Variants in TENT2 observed in about 807,000 individuals in gnomAD.
The protein encoded by TENT2 is poly(A) RNA polymerase GLD2.
In TENT2, 44 loss-of-function variants were observed where a neutral mutation model predicts 72.2. That is an observed-to-expected ratio of 0.61 (90% CI 0.48 to 0.78). TENT2 has a LOEUF of 0.78. Among genes scored for constraint, TENT2 ranks in the 30% least tolerant of loss-of-function variants. TENT2 has a pLI of 0.00. For synonymous variants in TENT2, 212 were observed against 192.5 expected (o/e 1.10, Z -0.84); for missense variants, 541 against 569.6 (o/e 0.95, Z 0.51).
chr5:79,679,789 T>C (rs1210481775), intron 13 of TENT2, 119 bp downstream of exon 13: 3 of 537,844 alleles, frequency 5.6e-6, no homozygotes, highest in Admixed American at 4.3e-5. Context: ...GTAAGTCTTT[T>C]AGTTTAAAAT....
intron 13 of TENT2, among the ~76,000 whole-genome samples, chr5:79,681,240 ACCTCTACCTC>A (rs1821603629): frequency 7.4e-6 from 1 of 135,894 alleles, no homozygotes; most frequent in African/African-American, 2.8e-5. Context: ...GCTCACTGCA[ACCTCTACCTC>A]CCAGGTTCAA....
intron 4 of TENT2, among the ~76,000 whole-genome samples, chr5:79,639,927 G>T (rs1419661753): frequency 6.6e-6 from 1 of 152,110 alleles, no homozygotes; most frequent in African/African-American, 2.4e-5. Flanking sequence ...GCAAGAGTTG[G>T]GCTGGAGGGA....
chr5:79,685,199 T>A lies in TENT2; in HGVS notation c.1381T>A (p.Ser461Thr). 6.2e-7 allele frequency: 1 copy of A among 1,604,130 alleles called. No homozygotes were observed. The highest frequency in any genetic ancestry group is 1.7e-5 in the Admixed American group (1 of 57,968). ...FDMIKDQFLK[S>T]WHRLKNKRDL... is the part of the protein sequence containing the mutation. ...AGAATGATTTTTCTTTCTCTCCCAGTCATGGCACAGATTGAAAAACAAGAG... is the reference window on the plus strand; with the variant it reads ...AGAATGATTTTTCTTTCTCTCCCAGACATGGCACAGATTGAAAAACAAGAG... Residue 461 changes from serine to threonine, a missense_variant and splice_region_variant, in exon 15 of 15, where the codon TCA (serine) becomes ACA (threonine). Transcript: ENST00000453514.
At chr5:79,648,097 C>G (rs941446180) in intron 8 of TENT2, among the ~76,000 whole-genome samples, 9 of 152,074 alleles carry the variant, frequency 5.9e-5, no homozygotes, top group Non-Finnish European at 2.9e-5. Flanking sequence ...GGATAACTTG[C>G]TCAGAAATGT....
chr5:79,647,219 G>A (rs1468070257), intron 8 of TENT2, among the ~76,000 whole-genome samples: 6 of 152,212 alleles, frequency 3.9e-5, no homozygotes, highest in African/African-American at 1.4e-4. Flanking sequence ...TTGAACATTT[G>A]GTGTGTTTCT....
chr5:79,634,875 G>T (rs1778843074), intron 4 of TENT2, among the ~76,000 whole-genome samples: 1 of 151,236 alleles, frequency 6.6e-6, no homozygotes, highest in Non-Finnish European at 1.5e-5. Context: ...TTGAGATGGG[G>T]TCTTACTAAG....
intron 7 of TENT2, among the ~76,000 whole-genome samples, chr5:79,643,507 A>G (rs1190928130): frequency 6.6e-6 from 1 of 152,220 alleles, no homozygotes; most frequent in Non-Finnish European, 1.5e-5. Context: ...TTTTATAGAA[A>G]GTTGAAGTTA....
chr5:79,641,338 G>C (rs1422037), intron 6 of TENT2, 142 bp downstream of exon 6: 10 of 602,838 alleles, frequency 1.7e-5, no homozygotes, highest in Admixed American at 3.1e-5. Context: ...AGGAAACCTA[G>C]GTAATTTTTT....
At chr5:79,640,565 A>C (rs1047467782) in intron 4 of TENT2, among the ~76,000 whole-genome samples, 2 of 152,208 alleles carry the variant, frequency 1.3e-5, no homozygotes, top group Non-Finnish European at 2.9e-5. Flanking sequence ...TAAAGTGAGC[A>C]AGTGTTAAAC....
intron 4 of TENT2, among the ~76,000 whole-genome samples, chr5:79,638,623 T>C (rs753383360): frequency 6.6e-6 from 1 of 152,204 alleles, no homozygotes; most frequent in African/African-American, 2.4e-5. Context: ...GTATTACCTA[T>C]AAGCAATTTG....
chr5:79,640,775 AT>A lies in TENT2; in HGVS notation c.466-73del, dbSNP rs112011692. On this transcript the variant is annotated intron_variant, in intron 4 of 14. Coordinates refer to ENST00000453514, the MANE Select transcript of TENT2 (RefSeq NM_001114394.3). The stretch of plus-strand genomic sequence containing the variant: ...TTTTAAAATAGTGTCAGTATAATTG[AT>A]TTATGCTTCTCCATATAGCAATTAC... The A allele has an allele frequency of 7.0e-3, 5,681 of 810,340 alleles. 238 individuals are homozygous for A. The African/African-American group carries it at 0.088, about 13-fold the overall frequency. The allele number at this position is 810,340 out of a possible 1,614,324, so 50.2% of individuals were successfully genotyped here. A position where few individuals can be genotyped will look rare whatever the true frequency, so the allele number is the denominator to read the frequency against.
At chr5:79,637,890 C>T (rs1315887188) in intron 4 of TENT2, among the ~76,000 whole-genome samples, 6 of 151,516 alleles carry the variant, frequency 4.0e-5, no homozygotes, top group East Asian at 3.9e-4. Context: ...CTCTGCCTTC[C>T]GGGTTCAGGT....
chr5:79,645,910 T>G (rs1788555843), intron 8 of TENT2, among the ~76,000 whole-genome samples: 1 of 152,190 alleles, frequency 6.6e-6, no homozygotes. Flanking sequence ...ATTTGCCTAC[T>G]TGCTAAAAGT....
At chr5:79,652,885 CAT>C (rs780171154) in intron 10 of TENT2, among the ~76,000 whole-genome samples, 9 of 151,772 alleles carry the variant, frequency 5.9e-5, no homozygotes, top group Non-Finnish European at 1.2e-4. Context: ...GAACTCTTAA[CAT>C]ATTTTTTTCA....
intron 14 of TENT2, among the ~76,000 whole-genome samples, chr5:79,682,459 T>A (rs1342095997): frequency 2.6e-5 from 4 of 151,168 alleles, no homozygotes; most frequent in African/African-American, 9.7e-5. Flanking sequence ...TTTTTTTTTT[T>A]TTTTTTGTAG....
chr5:79,683,339 ACACCC>A (rs1369340356), intron 14 of TENT2, among the ~76,000 whole-genome samples: 2 of 147,794 alleles, frequency 1.4e-5, no homozygotes, highest in African/African-American at 5.1e-5. Flanking sequence ...ACACACACAC[ACACCC>A]CACCTCACCT....
chr5:79,625,797 A>G (rs1295217303), intron 4 of TENT2, among the ~76,000 whole-genome samples: 1 of 151,650 alleles, frequency 6.6e-6, no homozygotes, highest in African/African-American at 2.4e-5. Flanking sequence ...GGCAAAGGAA[A>G]CTGAGAAAAG....
At chr5:79,626,250 C>T (rs1269949046) in intron 4 of TENT2, among the ~76,000 whole-genome samples, 1 of 151,408 alleles carries the variant, frequency 6.6e-6, no homozygotes, top group Non-Finnish European at 1.5e-5. Context: ...ATTCTGCTGT[C>T]TCAGCCTCCT....
In TENT2 at chr5:79,619,768, C is replaced by T. The variant is rs771639966; in HGVS notation, c.120C>T (p.Phe40=). 2 of 1,613,058 alleles carry T rather than the reference C, an allele frequency of 1.2e-6. No individual in the cohort carries two copies. The highest frequency in any genetic ancestry group is 1.7e-6 in the Non-Finnish European group (2 of 1,179,492). Reference sequence around the variant, plus strand: ...ACCAGCAGCTTATAGATGCACAATTCAACTTTCAGAATGCAGAGTGAGTAT... The same window carrying T: ...ACCAGCAGCTTATAGATGCACAATTTAACTTTCAGAATGCAGAGTGAGTAT... ...YSHQQLIDAQ[F]NFQNADLSRA... is the part of the protein sequence containing the mutation. The change falls in exon 2 of 15, where the codon TTC becomes TTT. Residue 40 remains phenylalanine (F), a synonymous_variant. Transcript: ENST00000453514.
Sources: allele counts gnomAD v4.1 joint callset (sites outside exome capture counted in the v4.1 genomes callset), GRCh38; gene constraint gnomAD v4.1.1; transcripts MANE v1.5; gene names NCBI Gene and HGNC (gene_info 2026-07-23, HGNC 2026-07-21).